The following PPP1R9A variants were observed in gnomAD, a reference collection of about 807,000 sequenced individuals.
PPP1R9A encodes the protein protein phosphatase 1 regulatory subunit 9A, also known as neurabin-1.
Under a neutral mutation model 141.9 loss-of-function variants are expected in PPP1R9A, and 59 were observed. The ratio of observed to expected loss-of-function variants is 0.42; its 90% CI spans 0.34 to 0.52. The LOEUF (loss-of-function observed/expected upper bound fraction) is 0.52. PPP1R9A is among the 20% of genes least tolerant of loss of function. The pLI, the probability that PPP1R9A is intolerant of heterozygous loss-of-function variation, is 0.10. For synonymous variants in PPP1R9A, 500 were observed against 569.7 expected, an observed-to-expected ratio of 0.88 and a Z score of 1.74; for missense variants, 1,444 against 1,611.9, an observed-to-expected ratio of 0.90 and a Z score of 1.78.
At chr7:95,284,421 T>C in intron 17 of PPP1R9A, 91 bp downstream of exon 17, 1 of 1,187,650 alleles carries the variant, frequency 8.4e-7, no homozygotes, top group Non-Finnish European at 1.1e-6. Flanking sequence ...TGCTGTTTCA[T>C]TGTAGATTGT....
chr7:95,269,314 G>A lies in PPP1R9A; in HGVS notation c.2931G>A (p.Pro977=), dbSNP rs374685907. The A allele has an allele frequency of 4.1e-5, 65 of 1,597,976 alleles. No homozygotes were observed. The highest frequency in any genetic ancestry group is 1.6e-4 in the Middle Eastern group (1 of 6,074). ...ATTCTGGTGTTCCACCCCTCACCCC[G>A]GTGGATAGCAATGTGCCCTTCTCGT... ...ESDSGVPPLT[P]VDSNVPFSSD... is the part of the protein sequence containing the mutation. Residue 977 remains proline, a synonymous_variant, in exon 14 of 20, where the codon CCG becomes CCA. Coordinates refer to ENST00000433360, the MANE Select transcript of PPP1R9A (RefSeq NM_001166160.2).
chr7:95,173,998 C>G (rs1202587270), intron 5 of PPP1R9A, among the ~76,000 whole-genome samples: 2 of 152,052 alleles, frequency 1.3e-5, no homozygotes, highest in African/African-American at 4.8e-5. Context: ...TACCAGCTAG[C>G]AATTCCGCAC....
At chr7:95,030,219 A>G (rs1310040060) in intron 2 of PPP1R9A, among the ~76,000 whole-genome samples, 1 of 152,234 alleles carries the variant, frequency 6.6e-6, no homozygotes, top group Non-Finnish European at 1.5e-5. Flanking sequence ...TGTTAATAAC[A>G]TATATCACAG....
At chr7:95,134,424 T>C (rs2152540663) in intron 4 of PPP1R9A, among the ~76,000 whole-genome samples, 1 of 152,050 alleles carries the variant, frequency 6.6e-6, no homozygotes, top group East Asian at 1.9e-4. Flanking sequence ...CCATGACACA[T>C]GTATACCTGT....
At chr7:95,265,298 T>C (rs896224410) in intron 12 of PPP1R9A, among the ~76,000 whole-genome samples, 1 of 152,150 alleles carries the variant, frequency 6.6e-6, no homozygotes, top group Non-Finnish European at 1.5e-5. Flanking sequence ...AGAAGGAGAA[T>C]AGGCTTCTGA....
intron 8 of PPP1R9A, among the ~76,000 whole-genome samples, chr7:95,234,905 A>G (rs868182508): frequency 1.6e-4 from 24 of 152,282 alleles, no homozygotes; most frequent in Middle Eastern, 6.8e-3. Context: ...AAACAAAAAC[A>G]TGAAGTGGGG....
chr7:95,241,975 T>C (rs774600562), intron 8 of PPP1R9A, among the ~76,000 whole-genome samples: 14 of 152,266 alleles, frequency 9.2e-5, no homozygotes, highest in South Asian at 6.2e-4. Flanking sequence ...TTAGAGAATC[T>C]CACCCAATGC....
chr7:95,014,630 G>T (rs1342537788), intron 2 of PPP1R9A, among the ~76,000 whole-genome samples: 1 of 151,854 alleles, frequency 6.6e-6, no homozygotes, highest in Non-Finnish European at 1.5e-5. Flanking sequence ...TTGAGACTTT[G>T]TAAATATCTA....
intron 4 of PPP1R9A, among the ~76,000 whole-genome samples, chr7:95,139,969 C>T (rs1181618628): frequency 6.6e-6 from 1 of 152,140 alleles, no homozygotes; most frequent in African/African-American, 2.4e-5. Flanking sequence ...TCTAATACTA[C>T]TACCACATTG....
chr7:94,913,440 C>A (rs1240309029), intron 2 of PPP1R9A, among the ~76,000 whole-genome samples: 2 of 152,076 alleles, frequency 1.3e-5, no homozygotes, highest in African/African-American at 2.4e-5. Flanking sequence ...TAATGCATTT[C>A]ATCAAGAATA....
intron 3 of PPP1R9A, among the ~76,000 whole-genome samples, chr7:95,113,049 C>A (rs1381233665): frequency 6.6e-6 from 1 of 152,070 alleles, no homozygotes; most frequent in Non-Finnish European, 1.5e-5. Flanking sequence ...TATAGCACAC[C>A]TGCACATGTA....
At chr7:95,045,803 A>G (rs557175740) in intron 2 of PPP1R9A, among the ~76,000 whole-genome samples, 1 of 150,870 alleles carries the variant, frequency 6.6e-6, no homozygotes, top group African/African-American at 2.4e-5. Context: ...CATTTCTAGT[A>G]GGCGAGGGGA....
chr7:95,195,817 A>G (rs533670700), intron 5 of PPP1R9A, among the ~76,000 whole-genome samples: 1 of 152,220 alleles, frequency 6.6e-6, no homozygotes, highest in Admixed American at 6.5e-5. Context: ...TTGGGGGGCC[A>G]AAGTGAGAGG....
At chr7:94,945,905 A>G (rs781072161) in intron 2 of PPP1R9A, among the ~76,000 whole-genome samples, 2 of 152,052 alleles carry the variant, frequency 1.3e-5, no homozygotes, top group Non-Finnish European at 2.9e-5. Context: ...CTCACACACT[A>G]TTCATTCTGG....
intron 8 of PPP1R9A, among the ~76,000 whole-genome samples, chr7:95,234,230 C>G (rs1379604346): frequency 6.6e-6 from 1 of 152,034 alleles, no homozygotes; most frequent in African/African-American, 2.4e-5. Context: ...AAAGAGGAAG[C>G]CAAACTGTCA....
intron 2 of PPP1R9A, among the ~76,000 whole-genome samples, chr7:94,969,469 G>A (rs1798615295): frequency 1.3e-5 from 2 of 152,108 alleles, no homozygotes; most frequent in African/African-American, 4.8e-5. Flanking sequence ...GGTATTACCA[G>A]TGGAGGCTGT....
chr7:95,110,762 C>G lies in PPP1R9A; in HGVS notation c.1396-497C>G, dbSNP rs548964749. 4.6e-5 allele frequency among the ~76,000 whole-genome samples: 7 copies of G among 152,212 alleles called. No individual in the cohort carries two copies. In the South Asian group the frequency reaches 1.5e-3, roughly 32 times the overall value. ...TGCAAGTAAAATGAGGGATGACAAACAAGAGCCCAGGACAGTGTTAGAATG... is the reference window on the plus strand; with the variant it reads ...TGCAAGTAAAATGAGGGATGACAAAGAAGAGCCCAGGACAGTGTTAGAATG... On this transcript the variant is annotated intron_variant, in intron 2 of 19. Transcript: ENST00000433360.
intron 5 of PPP1R9A, among the ~76,000 whole-genome samples, chr7:95,171,452 T>G (rs1465206372): frequency 6.6e-6 from 1 of 151,620 alleles, no homozygotes; most frequent in East Asian, 1.9e-4. Flanking sequence ...TAGTAAATCT[T>G]TAGTCAGACT....
At chr7:95,181,415 TATAGA>T (rs1230174817) in intron 5 of PPP1R9A, among the ~76,000 whole-genome samples, 4 of 133,256 alleles carry the variant, frequency 3.0e-5, no homozygotes, top group African/African-American at 1.1e-4. Flanking sequence ...CCATCATATA[TATAGA>T]ATATAGAGAA....
Sources: gnomAD v4.1 joint callset for allele counts (sites outside exome capture counted in the v4.1 genomes callset) on GRCh38, gnomAD v4.1.1 for gene constraint, MANE v1.5 for transcripts, NCBI Gene and HGNC (gene_info 2026-07-23, HGNC 2026-07-21) for gene names.